The following VWDE variants were observed in gnomAD, a reference collection of about 807,000 sequenced individuals.
VWDE encodes the protein von Willebrand factor D and EGF domain-containing protein.
In VWDE, 207 loss-of-function variants were observed where a neutral mutation model predicts 178.4. The ratio of observed to expected loss-of-function variants is 1.16; its 90% CI spans 1.04 to 1.30. VWDE has a LOEUF of 1.30. Among genes scored for constraint, VWDE ranks in the 50% most tolerant of loss-of-function variants. The pLI is 0.00. For missense variants in VWDE, 2,287 were observed against 1,901.3 expected (o/e 1.20, Z -3.77); for synonymous variants, 738 against 651.4 (o/e 1.13, Z -2.02).
At chr7:12,403,520 C>A in intron 1 of VWDE, 139 bp downstream of exon 1, 1 of 718,700 alleles carries the variant, frequency 1.4e-6, no homozygotes, top group Non-Finnish European at 2.2e-6. Context: ...AGAGAGGAGG[C>A]GGGTGAGGAA....
At chr7:12,348,914 A>G (rs540795284) in intron 19 of VWDE, among the ~76,000 whole-genome samples, 85 of 152,110 alleles carry the variant, frequency 5.6e-4, no homozygotes, top group Non-Finnish European at 1.0e-3. Flanking sequence ...TGATGAGTTC[A>G]TGTCCTTTGT....
In VWDE at chr7:12,363,027, C is replaced by A. The variant is rs1481689740; in HGVS notation, c.2899-1506G>T. 3.3e-5 allele frequency among the ~76,000 whole-genome samples: 5 copies of A among 152,118 alleles called. No individual in the cohort carries two copies. The East Asian group carries it at 9.7e-4, about 29-fold the overall frequency. ...TACAGTGTTCTATTTCCTTTTCATT[C>A]ATCAATATTTTGTGAGTATATATTA... is the stretch of plus-strand genomic sequence containing the variant. On this transcript the variant is annotated intron_variant, in intron 13 of 28. Coordinates refer to ENST00000275358, the MANE Select transcript of VWDE (RefSeq NM_001135924.3).
intron 24 of VWDE, among the ~76,000 whole-genome samples, chr7:12,338,341 T>G (rs1781146803): frequency 6.6e-6 from 1 of 151,882 alleles, no homozygotes; most frequent in African/African-American, 2.4e-5. Flanking sequence ...GGTAGAGAAA[T>G]GTTCTTACAT....
intron 15 of VWDE, among the ~76,000 whole-genome samples, chr7:12,360,504 G>GA (rs1185230333): frequency 6.6e-6 from 1 of 152,048 alleles, no homozygotes; most frequent in African/African-American, 2.4e-5. Flanking sequence ...TTTAAACTTA[G>GA]AAAAAATAAT....
intron 18 of VWDE, 141 bp downstream of exon 18, chr7:12,355,970 A>T (rs1782220062): frequency 5.3e-6 from 4 of 751,692 alleles, no homozygotes. Context: ...TATGGATAGT[A>T]ATTATATTTG....
chr7:12,393,317 C>A lies in VWDE; in HGVS notation c.243+277G>T, dbSNP rs915936609. The stretch of plus-strand genomic sequence containing the variant: ...TATGCCTAAGAATATATGTTTTCTG[C>A]ACTGTTTGATGGAAATGATGATAGA... On this transcript the variant is annotated intron_variant, in intron 2 of 28. Coordinates refer to ENST00000275358, the MANE Select transcript of VWDE (RefSeq NM_001135924.3). 2.6e-5 allele frequency among the ~76,000 whole-genome samples: 4 copies of A among 152,198 alleles called. No individual in the cohort carries two copies. The South Asian group carries it at 8.3e-4, about 32-fold the overall frequency.
chr7:12,339,967 T>C (rs2128545937), intron 24 of VWDE, among the ~76,000 whole-genome samples: 1 of 152,218 alleles, frequency 6.6e-6, no homozygotes, highest in East Asian at 1.9e-4. Context: ...TAGTGGACAG[T>C]AGATTGACCA....
At chr7:12,346,173 T>C (rs1688403381) in intron 19 of VWDE, among the ~76,000 whole-genome samples, 1 of 152,120 alleles carries the variant, frequency 6.6e-6, no homozygotes, top group Non-Finnish European at 1.5e-5. Flanking sequence ...TAACCCAGAA[T>C]GTTAAATAGT....
chr7:12,350,610 T>C (rs1781875511), intron 19 of VWDE, among the ~76,000 whole-genome samples: 1 of 152,078 alleles, frequency 6.6e-6, no homozygotes, highest in South Asian at 2.1e-4. Context: ...GTACTAGAGG[T>C]ACACTACACT....
chr7:12,375,054 T>A lies in VWDE; in HGVS notation c.1198A>T (p.Asn400Tyr). ...TAGTTGTTCCACAGGAAATCCTCAT[T>A]AACTATTGGTTGCACTACAATGTTT... ...VSNIVVQPIV[N>Y]EDFLWNNYIP... The change falls in exon 8 of 29, where the codon AAT (asparagine) becomes TAT (tyrosine). Residue 400 changes from asparagine (N) to tyrosine (Y), a missense_variant. By Grantham distance (143) the Asn-to-Tyr change is moderately radical (BLOSUM62 -2). Transcript: ENST00000275358. The A allele has an allele frequency of 6.4e-7, 1 of 1,551,334 alleles. No individual in the cohort carries two copies. Among genetic ancestry groups the A allele is most frequent in the Non-Finnish European group, 8.7e-7 (1 of 1,146,682 alleles).
At chr7:12,397,391 C>G (rs1335706266) in intron 1 of VWDE, among the ~76,000 whole-genome samples, 1 of 152,142 alleles carries the variant, frequency 6.6e-6, no homozygotes, top group Admixed American at 6.5e-5. Context: ...AACTGTACCC[C>G]TACTTTTCAC....
chr7:12,337,887 A>G (rs1052367007), intron 24 of VWDE, among the ~76,000 whole-genome samples: 1 of 152,132 alleles, frequency 6.6e-6, no homozygotes, highest in African/African-American at 2.4e-5. Context: ...AGTAACGTTA[A>G]TATGTATTAA....
intron 9 of VWDE, 150 bp from the exon 10 acceptor site, chr7:12,373,397 C>T: frequency 2.6e-6 from 2 of 783,318 alleles, no homozygotes; most frequent in Non-Finnish European, 4.1e-6. Flanking sequence ...ATCTCTCCCA[C>T]TACTCCTTTC....
chr7:12,368,882 G>A (rs986098271), intron 12 of VWDE, among the ~76,000 whole-genome samples: 3 of 152,076 alleles, frequency 2.0e-5, no homozygotes, highest in Non-Finnish European at 2.9e-5. Context: ...GAAGGAAAAG[G>A]ACAGGCAAAA....
Position 12,370,899 on chromosome 7 carries a change from G to A in VWDE, c.1588-35C>T, listed in dbSNP as rs1244611557. 17 of 1,444,146 alleles carry A rather than the reference G, an allele frequency of 1.2e-5. No individual in the cohort carries two copies. The East Asian group carries it at 3.6e-4, about 30-fold the overall frequency. 89.5% of individuals were successfully genotyped at this position (1,444,146 alleles called of 1,614,324 possible). A position where few individuals can be genotyped will look rare whatever the true frequency, so the allele number is the denominator to read the frequency against. ...AGAAATAAATACAGAAATAAAAGAT[G>A]TTGAAGCAATATTCAACCTGGATTA... is the stretch of plus-strand genomic sequence containing the variant. On this transcript the variant is annotated intron_variant, in intron 10 of 28. Coordinates refer to ENST00000275358, the MANE Select transcript of VWDE (RefSeq NM_001135924.3).
chr7:12,396,230 A>G (rs2128563603), intron 1 of VWDE, among the ~76,000 whole-genome samples: 1 of 152,252 alleles, frequency 6.6e-6, no homozygotes, highest in Non-Finnish European at 1.5e-5. Flanking sequence ...GTAATGACCA[A>G]CCTGCATTAG....
chr7:12,374,821 A>G, intron 8 of VWDE, 59 bp from the exon 9 acceptor site: 1 of 1,222,628 alleles, frequency 8.2e-7, no homozygotes, highest in Admixed American at 2.7e-5. Context: ...GTGATATATA[A>G]AAAATTGCTT....
intron 6 of VWDE, among the ~76,000 whole-genome samples, chr7:12,378,461 C>G (rs1490421335): frequency 6.6e-6 from 1 of 152,124 alleles, no homozygotes. Context: ...CAGGACTGGC[C>G]CTATCTTCAT....
At chr7:12,403,592 G>C in intron 1 of VWDE, 67 bp downstream of exon 1, 1 of 1,475,412 alleles carries the variant, frequency 6.8e-7, no homozygotes, top group South Asian at 1.3e-5. Context: ...AAAAAGTCTA[G>C]CCTAGTCCCT....
Sources: gnomAD v4.1 joint callset for allele counts (sites outside exome capture counted in the v4.1 genomes callset) on GRCh38, gnomAD v4.1.1 for gene constraint, MANE v1.5 for transcripts, NCBI Gene and HGNC (gene_info 2026-07-23, HGNC 2026-07-21) for gene names.